Variants in ADGRL3 observed in about 807,000 individuals in gnomAD.
ADGRL3 encodes adhesion G protein-coupled receptor L3.
Under a neutral mutation model 153.5 loss-of-function variants are expected in ADGRL3, and 62 were observed. The ratio of observed to expected loss-of-function variants is 0.40; its 90% CI spans 0.33 to 0.50. The LOEUF (loss-of-function observed/expected upper bound fraction) is 0.50. Among genes scored for constraint, ADGRL3 ranks in the 20% least tolerant of loss-of-function variants. The pLI, the probability that ADGRL3 is intolerant of heterozygous loss-of-function variation, is 0.47. For synonymous variants in ADGRL3, 710 were observed against 672.5 expected, an observed-to-expected ratio of 1.06 and a Z score of -0.86; for missense variants, 1,641 against 1,859.4, an observed-to-expected ratio of 0.88 and a Z score of 2.16.
chr4:61,268,240 A>T (rs745963957), intron 1 of ADGRL3, among the ~76,000 whole-genome samples: 4 of 151,714 alleles, frequency 2.6e-5, no homozygotes, highest in East Asian at 3.9e-4. Context: ...TTATTTCAAA[A>T]TTTTTTCCTA....
At chr4:61,773,621 C>T (rs2097111159) in intron 8 of ADGRL3, among the ~76,000 whole-genome samples, 1 of 152,054 alleles carries the variant, frequency 6.6e-6, no homozygotes, top group Non-Finnish European at 1.5e-5. Flanking sequence ...ATTTTAATTT[C>T]TTAAAAAAAT....
At chr4:61,620,703 C>T (rs193141980) in intron 5 of ADGRL3, among the ~76,000 whole-genome samples, 165 of 124,222 alleles carry the variant, frequency 1.3e-3, no homozygotes, top group Admixed American at 3.5e-3. Flanking sequence ...TGCAGTGGTG[C>T]GATCTCGGCT....
chr4:61,831,025 A>G (rs944138380), intron 9 of ADGRL3, among the ~76,000 whole-genome samples: 1 of 152,030 alleles, frequency 6.6e-6, no homozygotes, highest in Non-Finnish European at 1.5e-5. Context: ...AATAGCTGGG[A>G]TTACAGGCAC....
At chr4:61,216,051 C>T (rs1675272107) in intron 1 of ADGRL3, among the ~76,000 whole-genome samples, 1 of 151,944 alleles carries the variant, frequency 6.6e-6, no homozygotes, top group South Asian at 2.1e-4. Flanking sequence ...TATTAGAATG[C>T]TTCTGCTTGC....
intron 21 of ADGRL3, among the ~76,000 whole-genome samples, chr4:62,012,281 C>A (rs537930861): frequency 6.6e-6 from 1 of 152,156 alleles, no homozygotes; most frequent in Non-Finnish European, 1.5e-5. Flanking sequence ...GTTCTGCCCT[C>A]ATATCAACTG....
chr4:61,649,164 A>G (rs1023116486), intron 5 of ADGRL3, among the ~76,000 whole-genome samples: 1 of 152,058 alleles, frequency 6.6e-6, no homozygotes, highest in African/African-American at 2.4e-5. Flanking sequence ...GCTAGTAAAT[A>G]TAGTTTACTA....
At chr4:61,381,804 G>T (rs1053258398) in intron 1 of ADGRL3, among the ~76,000 whole-genome samples, 1 of 151,852 alleles carries the variant, frequency 6.6e-6, no homozygotes, top group Non-Finnish European at 1.5e-5. Context: ...ATCATCCAGT[G>T]AAATTTAAGC....
At chr4:61,690,654 T>C (rs1434490525) in intron 6 of ADGRL3, among the ~76,000 whole-genome samples, 2 of 152,162 alleles carry the variant, frequency 1.3e-5, no homozygotes, top group African/African-American at 4.8e-5. Context: ...AGAGATCATA[T>C]TCACTTTTGC....
chr4:61,432,197 T>C (rs372503016), intron 2 of ADGRL3, among the ~76,000 whole-genome samples: 108 of 152,328 alleles, frequency 7.1e-4, no homozygotes, highest in African/African-American at 2.2e-3. Flanking sequence ...TTGGTAGTAA[T>C]TATAAAGACA....
chr4:61,371,601 C>T (rs1005847045), intron 1 of ADGRL3, among the ~76,000 whole-genome samples: 11 of 152,288 alleles, frequency 7.2e-5, no homozygotes, highest in Non-Finnish European at 1.5e-4. Flanking sequence ...AAGAGATCTG[C>T]TGTTAGTCTG....
chr4:61,740,421 T>C (rs1458896067), intron 8 of ADGRL3, among the ~76,000 whole-genome samples: 1 of 152,184 alleles, frequency 6.6e-6, no homozygotes, highest in Non-Finnish European at 1.5e-5. Context: ...CCTTTAGCTA[T>C]GATTAGTGCC....
chr4:61,884,652 T>TCA (rs1303054581), intron 9 of ADGRL3, among the ~76,000 whole-genome samples: 1 of 151,790 alleles, frequency 6.6e-6, no homozygotes, highest in Non-Finnish European at 1.5e-5. Context: ...TGAGATGGAG[T>TCA]CTCGCTCTGT....
chr4:61,742,962 ATATAAAAT>A (rs1334769921), intron 8 of ADGRL3, among the ~76,000 whole-genome samples: 1 of 152,066 alleles, frequency 6.6e-6, no homozygotes, highest in African/African-American at 2.4e-5. Flanking sequence ...AGTGCTTTCT[ATATAAAAT>A]GCCTTGTGAC....
At chr4:61,703,501 G>C (rs2095803567) in intron 6 of ADGRL3, among the ~76,000 whole-genome samples, 1 of 151,824 alleles carries the variant, frequency 6.6e-6, no homozygotes, top group Non-Finnish European at 1.5e-5. Flanking sequence ...ACATCTATCT[G>C]GTTAAAAATA....
At chr4:61,538,123 T>C in intron 4 of ADGRL3, among the ~76,000 whole-genome samples, 1 of 152,164 alleles carries the variant, frequency 6.6e-6, no homozygotes, top group Non-Finnish European at 1.5e-5. Flanking sequence ...ATGGCTTCAG[T>C]TGGATGGGAA....
At position 61,979,762 on chromosome 4, in the gene ADGRL3, C is replaced by T. The variant is rs1441371389; in HGVS notation, c.3005C>T (p.Thr1002Ile). Residue 1002 changes from threonine to isoleucine, a missense_variant, in exon 18 of 27, where the codon ACT (threonine) becomes ATT (isoleucine). Physicochemically the swap from Thr to Ile is moderately conservative, Grantham distance 89 (BLOSUM62 -1). Coordinates refer to ENST00000683033, the MANE Select transcript of ADGRL3 (RefSeq NM_001387552.1). ...ELLFLIGINR[T>I]DQPIACAVFA... ...CTCTTCCTGATTGGGATCAACCGAA[C>T]TGACCAACCAGTAAGCAACCTACAT... 3 of 1,613,568 alleles carry T rather than the reference C, an allele frequency of 1.9e-6. No individual in the cohort carries two copies. In the African/African-American group the frequency reaches 4.0e-5, roughly 22 times the overall value.
At chr4:61,377,594 AT>A (rs1445593503) in intron 1 of ADGRL3, among the ~76,000 whole-genome samples, 1 of 152,004 alleles carries the variant, frequency 6.6e-6, no homozygotes, top group Admixed American at 6.6e-5. Context: ...AAGGTGAGGG[AT>A]TTTTTTCATA....
chr4:61,992,872 A>G (rs1291127098), intron 19 of ADGRL3, among the ~76,000 whole-genome samples: 2 of 152,222 alleles, frequency 1.3e-5, no homozygotes, highest in African/African-American at 4.8e-5. Context: ...TTTTACTTTA[A>G]CAAAACATTT....
rs1219373046 is a variant in ADGRL3, at chr4:61,432,573, C to CCTTT, written c.-174+49465_-174+49468dup. On this transcript the variant is annotated intron_variant, in intron 2 of 26. Coordinates refer to ENST00000683033, the MANE Select transcript of ADGRL3 (RefSeq NM_001387552.1). Reference sequence around the variant, plus strand: ...TTTATAGATTTCTTTTCTTTCTCTTCCTTTCTTTCTTTCTTTCTTTCTTTC... The same window carrying CCTTT: ...TTTATAGATTTCTTTTCTTTCTCTTCCTTTCTTTCTTTCTTTCTTTCTTTCTTTC... 5.3e-4 allele frequency among the ~76,000 whole-genome samples: 19 copies of CCTTT among 35,848 alleles called. 1 individual carries two copies. The highest frequency in any genetic ancestry group is 1.4e-3 in the African/African-American group (18 of 13,010). The allele number at this position is 35,848 out of a possible 152,430, so 23.5% of individuals were successfully genotyped here. A position where few individuals can be genotyped will look rare whatever the true frequency, so the allele number is the denominator to read the frequency against.
Sources: gnomAD v4.1 joint callset for allele counts (sites outside exome capture counted in the v4.1 genomes callset) on GRCh38, gnomAD v4.1.1 for gene constraint, MANE v1.5 for transcripts, NCBI Gene and HGNC (gene_info 2026-07-23, HGNC 2026-07-21) for gene names.